Variants in SESTD1 observed in about 807,000 individuals in gnomAD.
The protein encoded by SESTD1 is SEC14 and spectrin domain containing 1.
Under a neutral mutation model 101.7 loss-of-function variants are expected in SESTD1, and 43 were observed. The observed-to-expected ratio is 0.42, with a 90% confidence interval of 0.33 to 0.55. The LOEUF (loss-of-function observed/expected upper bound fraction) is 0.55, where lower values mean the gene tolerates loss of function less well. Ranked by LOEUF, SESTD1 falls within the 20% of genes least tolerant of loss-of-function variation. The pLI, the probability that SESTD1 is intolerant of heterozygous loss-of-function variation, is 0.07. For missense variants in SESTD1, 647 were observed against 815.1 expected, an observed-to-expected ratio of 0.79 and a Z score of 2.51; for synonymous variants, 283 against 286.8, an observed-to-expected ratio of 0.99 and a Z score of 0.13.
rs188396040 is a variant in SESTD1 at position 179,198,954 on chromosome 2, T to A, written c.-25-7088A>T. Among the ~76,000 whole-genome samples, 1,422 of 151,940 alleles carry A rather than the reference T, an allele frequency of 9.4e-3. 16 individuals carry two copies. The highest frequency in any genetic ancestry group is 0.015 in the Non-Finnish European group (990 of 67,968). ...AGCAGAAGGCAAGAAATAACTAAAA[T>A]CGGAGTTAAACTGAAGGAAATAGAG... On this transcript the variant is annotated intron_variant, in intron 1 of 17. Coordinates refer to ENST00000428443, the MANE Select transcript of SESTD1 (RefSeq NM_178123.5).
chr2:179,164,861 T>G (rs993473935), intron 5 of SESTD1, among the ~76,000 whole-genome samples: 3 of 152,216 alleles, frequency 2.0e-5, no homozygotes, highest in Admixed American at 6.5e-5. Flanking sequence ...AAATCTTTGT[T>G]GCAGATAATT....
chr2:179,241,998 A>C (rs973953496), intron 1 of SESTD1, among the ~76,000 whole-genome samples: 1 of 152,028 alleles, frequency 6.6e-6, no homozygotes, highest in Non-Finnish European at 1.5e-5. Context: ...AAGAAATAAG[A>C]GGCATATATG....
intron 1 of SESTD1, among the ~76,000 whole-genome samples, chr2:179,255,195 TA>T (rs1262423526): frequency 6.6e-6 from 1 of 152,182 alleles, no homozygotes; most frequent in African/African-American, 2.4e-5. Flanking sequence ...CAATGGCCTC[TA>T]AATATTAAAG....
rs1369385743 is a variant in SESTD1, at chr2:179,106,641, G to T, written c.*3258C>A. The stretch of plus-strand genomic sequence containing the variant: ...ACATGTTAAGACTAGCTAACACATG[G>T]GAGCAATAGCCAATGTAAATTTGTA... On this transcript the variant is annotated 3_prime_UTR_variant, in exon 18 of 18. Transcript: ENST00000428443. 1 of 152,072 alleles carries T rather than the reference G, an allele frequency of 6.6e-6. No individual in the cohort carries two copies. Among genetic ancestry groups the T allele is most frequent in the Admixed American group, 6.6e-5 (1 of 15,246 alleles). The allele number at this position is 152,072 out of a possible 1,614,324, so 9.4% of individuals were successfully genotyped here.
intron 8 of SESTD1, among the ~76,000 whole-genome samples, chr2:179,144,892 G>A (rs1350320921): frequency 6.6e-6 from 1 of 151,818 alleles, no homozygotes; most frequent in African/African-American, 2.4e-5. Flanking sequence ...AAGCTTTCAA[G>A]CTGCTAAACA....
intron 5 of SESTD1, among the ~76,000 whole-genome samples, chr2:179,160,975 A>C (rs2045724924): frequency 6.6e-6 from 1 of 152,142 alleles, no homozygotes; most frequent in East Asian, 1.9e-4. Context: ...TCTGGCACCC[A>C]GGCTGAAGGG....
chr2:179,131,721 ATTATCT>A (rs1236006581), intron 10 of SESTD1, among the ~76,000 whole-genome samples: 6 of 152,188 alleles, frequency 3.9e-5, no homozygotes, highest in Admixed American at 6.5e-5. Context: ...TAAATTTTAA[ATTATCT>A]TTAACAATTA....
Position 179,151,360 on chromosome 2 carries a change from C to A in SESTD1, c.401G>T (p.Arg134Leu). The change falls in exon 6 of 18, where the codon CGT (arginine) becomes CTT (leucine). Residue 134 changes from arginine (R) to leucine (L), a missense_variant. Arg to Leu is a moderately radical substitution (Grantham distance 102, BLOSUM62 -2). Around this residue, in one of 3 missense-constraint regions of SESTD1, gnomAD observed 168 missense variants for 235.1 expected, o/e 0.71. Transcript: ENST00000428443. ...VILVSANKLT[R>L]YIEPCQLTED... ...TGTTAATTGGCATGGTTCTATATAA[C>A]GAGTCAATTTGTTGGCGGACACTAA... The A allele has an allele frequency of 1.2e-6, 2 of 1,603,402 alleles. No homozygotes were observed. Among genetic ancestry groups the A allele is most frequent in the Non-Finnish European group, 1.7e-6 (2 of 1,175,432 alleles).
chr2:179,154,232 A>T (rs1293137153), intron 5 of SESTD1, among the ~76,000 whole-genome samples: 1 of 147,182 alleles, frequency 6.8e-6, no homozygotes, highest in East Asian at 2.1e-4. Context: ...CATGAAGAAA[A>T]GAACGGAAGG....
intron 8 of SESTD1, 55 bp downstream of exon 8, chr2:179,146,347 G>T: frequency 1.4e-6 from 2 of 1,431,208 alleles, no homozygotes; most frequent in South Asian, 1.2e-5. Context: ...TTTAATGAAC[G>T]AATCAATCCA....
chr2:179,238,977 C>G (rs908554542), intron 1 of SESTD1, among the ~76,000 whole-genome samples: 1 of 152,172 alleles, frequency 6.6e-6, no homozygotes, highest in East Asian at 1.9e-4. Context: ...CAAATGTTTA[C>G]ACCAGTTTTA....
At chr2:179,189,320 A>G (rs897722555) in intron 2 of SESTD1, among the ~76,000 whole-genome samples, 10 of 152,340 alleles carry the variant, frequency 6.6e-5, no homozygotes, top group African/African-American at 2.4e-4. Context: ...ATTAAAAACC[A>G]TATGATCATC....
At position 179,213,571 on chromosome 2, in the gene SESTD1, C is replaced by T. The variant is rs540364035; in HGVS notation, c.-25-21705G>A. The stretch of plus-strand genomic sequence containing the variant: ...GAGAATGGAACCAAGTTGGAAAACA[C>T]TCTTCAGGATATTATCCAGAAGAAC... On this transcript the variant is annotated intron_variant, in intron 1 of 17. Coordinates refer to ENST00000428443, the MANE Select transcript of SESTD1 (RefSeq NM_178123.5). 1.0e-4 allele frequency among the ~76,000 whole-genome samples: 14 copies of T among 135,436 alleles called. 3 individuals are homozygous for T. The highest frequency in any genetic ancestry group is 2.1e-4 in the Admixed American group (3 of 14,028). 88.9% of individuals were successfully genotyped at this position (135,436 alleles called of 152,430 possible).
chr2:179,175,696 C>T (rs769141829), intron 4 of SESTD1, among the ~76,000 whole-genome samples: 1 of 152,152 alleles, frequency 6.6e-6, no homozygotes, highest in Non-Finnish European at 1.5e-5. Flanking sequence ...ATCTGCCCTC[C>T]GCATCACTCA....
At chr2:179,168,464 G>A (rs2105470483) in intron 5 of SESTD1, among the ~76,000 whole-genome samples, 1 of 152,170 alleles carries the variant, frequency 6.6e-6, no homozygotes, top group East Asian at 1.9e-4. Flanking sequence ...CTGCACAGGA[G>A]GTTGCTGGCC....
At chr2:179,124,638 A>T (rs111784876) in intron 10 of SESTD1, 80 bp from the exon 11 acceptor site, 5 of 1,204,606 alleles carry the variant, frequency 4.2e-6, no homozygotes, top group Non-Finnish European at 5.8e-6. Flanking sequence ...TTCTCCAGAT[A>T]AACTAAGTAA....
At chr2:179,157,025 C>G (rs1292292727) in intron 5 of SESTD1, among the ~76,000 whole-genome samples, 3 of 152,126 alleles carry the variant, frequency 2.0e-5, no homozygotes, top group African/African-American at 7.2e-5. Context: ...GATCCAGTTT[C>G]ATTCTCCTAC....
intron 8 of SESTD1, among the ~76,000 whole-genome samples, chr2:179,145,711 C>T (rs2045380398): frequency 6.6e-6 from 1 of 152,148 alleles, no homozygotes; most frequent in African/African-American, 2.4e-5. Context: ...AGAGCTTTGG[C>T]TTTGGATTTA....
chr2:179,248,259 A>G (rs1447956729), intron 1 of SESTD1, among the ~76,000 whole-genome samples: 1 of 152,190 alleles, frequency 6.6e-6, no homozygotes, highest in Non-Finnish European at 1.5e-5. Flanking sequence ...TTAGTTATCA[A>G]GTAAAATAAA....
Sources: gnomAD v4.1 joint callset for allele counts (sites outside exome capture counted in the v4.1 genomes callset) on GRCh38, gnomAD v4.1.1 for gene constraint, gnomAD v4.1.1 regional missense constraint, MANE v1.5 for transcripts, NCBI Gene and HGNC (gene_info 2026-07-23, HGNC 2026-07-21) for gene names.